CIITA: variants seen among roughly 807,000 people sequenced by gnomAD.
CIITA encodes the protein MHC class II transactivator.
Under a neutral mutation model 115.1 loss-of-function variants are expected in CIITA, and 72 were observed. That is an observed-to-expected ratio of 0.63 (90% confidence interval 0.52 to 0.76). The LOEUF is 0.76. Among genes scored for constraint, CIITA ranks in the 30% least tolerant of loss-of-function variants. CIITA has a pLI of 0.00. For missense variants in CIITA, 1,617 were observed against 1,463.8 expected (o/e 1.10, Z -1.71); for synonymous variants, 763 against 635.6 (o/e 1.20, Z -3.02).
rs1043226117 is a variant in CIITA at position 10,935,370 on chromosome 16, A to G, written c.*11515A>G. On this transcript the variant is annotated 3_prime_UTR_variant, in exon 20 of 20. Transcript: ENST00000324288. The stretch of plus-strand genomic sequence containing the variant: ...TATGTTTATCACCCGACAGTTGTTA[A>G]TCTCTTTTTAACAAAGAATACAGGC... 1.3e-5 allele frequency: 2 copies of G among 152,198 alleles called. No homozygotes were observed. Among genetic ancestry groups the G allele is most frequent in the African/African-American group, 4.8e-5 (2 of 41,450 alleles). 9.4% of individuals were successfully genotyped at this position (152,198 alleles called of 1,614,324 possible).
At chr16:10,939,312 A>T (rs570827121), downstream of CIITA, 1 of 152,380 alleles carries the variant, frequency 6.6e-6, no homozygotes, top group Admixed American at 6.5e-5. The surrounding 1 kb of genome is among the most constrained non-coding windows in gnomAD (Gnocchi z 4.9). Flanking sequence ...CCCTCAGCTC[A>T]TTCTGTCCAC....
chr16:10,873,415 A>G (rs924929017), upstream of CIITA, among the ~76,000 whole-genome samples: 6 of 152,224 alleles, frequency 3.9e-5, no homozygotes, highest in Non-Finnish European at 7.3e-5. Flanking sequence ...TGTATTGCCA[A>G]ATAATGTTGC....
At position 10,927,397 on chromosome 16, in the gene CIITA, G is replaced by T. The variant is rs1653068266; in HGVS notation, c.*3542G>T. On this transcript the variant is annotated 3_prime_UTR_variant, in exon 20 of 20. Coordinates refer to ENST00000324288, the MANE Select transcript of CIITA (RefSeq NM_000246.4). Reference sequence around the variant, plus strand: ...TGCTGTGCCCTCTGTACCCAGCAAGGCGCCTGTGTATAATAGGTGCTCAAT... The same window carrying T: ...TGCTGTGCCCTCTGTACCCAGCAAGTCGCCTGTGTATAATAGGTGCTCAAT... The T allele has an allele frequency of 6.6e-6, 1 of 152,222 alleles. No individual in the cohort carries two copies. The highest frequency in any genetic ancestry group is 6.5e-5 in the Admixed American group (1 of 15,282). The allele number at this position is 152,222 out of a possible 1,614,324, so 9.4% of individuals were successfully genotyped here.
At position 10,932,235 on chromosome 16, in the gene CIITA, C is replaced by G. The variant is rs1032210772; in HGVS notation, c.*8380C>G. ...GAGATCAACCCCTTCGCTCCTGTGT[C>G]TTGCAATGGCAGCCTTGGCAAACGC... On this transcript the variant is annotated 3_prime_UTR_variant, in exon 20 of 20. Transcript: ENST00000324288. The G allele has an allele frequency of 6.6e-6, 1 of 152,262 alleles. No individual in the cohort carries two copies. Among genetic ancestry groups the G allele is most frequent in the African/African-American group, 2.4e-5 (1 of 41,456 alleles). 9.4% of individuals were successfully genotyped at this position (152,262 alleles called of 1,614,324 possible). A position where few individuals can be genotyped will look rare whatever the true frequency, so the allele number is the denominator to read the frequency against.
chr16:10,936,236 C>T lies in CIITA; in HGVS notation c.*12381C>T, dbSNP rs563805144. ...GTTTCAAACTCAAGTGATCCTTCCA[C>T]CTCAGCCTCTATAAAATTTGAATAA... On this transcript the variant is annotated 3_prime_UTR_variant, in exon 20 of 20. Transcript: ENST00000324288. The T allele has an allele frequency of 2.0e-5, 3 of 152,078 alleles. No homozygotes were observed. The highest frequency in any genetic ancestry group is 2.9e-5 in the Non-Finnish European group (2 of 68,024). 9.4% of individuals were successfully genotyped at this position (152,078 alleles called of 1,614,324 possible). A position where few individuals can be genotyped will look rare whatever the true frequency, so the allele number is the denominator to read the frequency against.
intron 1 of CIITA, among the ~76,000 whole-genome samples, chr16:10,868,555 C>T (rs1020596939): frequency 1.3e-5 from 2 of 152,190 alleles, no homozygotes; most frequent in African/African-American, 4.8e-5. Flanking sequence ...GGCATCTTTA[C>T]CACCCAAACA....
chr16:10,929,337 G>T lies in CIITA; in HGVS notation c.*5482G>T, dbSNP rs557257667. On this transcript the variant is annotated 3_prime_UTR_variant, in exon 20 of 20. Transcript: ENST00000324288. The surrounding 1 kb of genome is among the most constrained non-coding windows in gnomAD (Gnocchi z 4.3). ...AGTGCAGGGAGGCAAACTCTGGCTG[G>T]GTTCCTGTAAACATCCATCGCAGCT... 736 of 985,952 alleles carry T rather than the reference G, an allele frequency of 7.5e-4. 1 individual carries two copies. The highest frequency in any genetic ancestry group is 8.6e-4 in the Non-Finnish European group (713 of 829,976). The allele number at this position is 985,952 out of a possible 1,614,324, so 61.1% of individuals were successfully genotyped here. A position where few individuals can be genotyped will look rare whatever the true frequency, so the allele number is the denominator to read the frequency against.
rs1160251546 is a variant in CIITA at position 10,932,115 on chromosome 16, G to A, written c.*8260G>A. On this transcript the variant is annotated 3_prime_UTR_variant, in exon 20 of 20. Transcript: ENST00000324288. Reference sequence around the variant, plus strand: ...TCTGCCTGAAGTCACACAGTGAGTCGAGGACAGGGAGGTGACCCCAGGTTT... The same window carrying A: ...TCTGCCTGAAGTCACACAGTGAGTCAAGGACAGGGAGGTGACCCCAGGTTT... 8 of 152,230 alleles carry A rather than the reference G, an allele frequency of 5.3e-5. No individual in the cohort carries two copies. Among genetic ancestry groups the A allele is most frequent in the East Asian group, 3.8e-4 (2 of 5,196 alleles). 9.4% of individuals were successfully genotyped at this position (152,230 alleles called of 1,614,324 possible). A position where few individuals can be genotyped will look rare whatever the true frequency, so the allele number is the denominator to read the frequency against.
At chr16:10,918,592 A>G in intron 16 of CIITA, 66 bp downstream of exon 16, 1 of 1,418,300 alleles carries the variant, frequency 7.1e-7, no homozygotes, top group East Asian at 2.3e-5. Context: ...GGGAACCCAC[A>G]TCGTGCTGGC....
rs1394503229 is a variant in CIITA at position 10,915,706 on chromosome 16, C to G, written c.2969+56C>G. The stretch of plus-strand genomic sequence containing the variant: ...CAACATCTGGGTGCAGTGCTGTGAT[C>G]ATAGCTCACTGCAGCCTCGAATTCC... On this transcript the variant is annotated intron_variant, in intron 14 of 19. Coordinates refer to ENST00000324288, the MANE Select transcript of CIITA (RefSeq NM_000246.4). 2.1e-6 allele frequency: 3 copies of G among 1,448,756 alleles called. No homozygotes were observed. In the African/African-American group the frequency reaches 4.2e-5, roughly 20 times the overall value. 89.7% of individuals were successfully genotyped at this position (1,448,756 alleles called of 1,614,324 possible).
rs2040334654 is a variant in CIITA, at chr16:10,922,589, A to G, written c.3317+99A>G. 8 of 1,202,806 alleles carry G rather than the reference A, an allele frequency of 6.7e-6. No homozygotes were observed. The South Asian group carries it at 8.8e-5, about 13-fold the overall frequency. The allele number at this position is 1,202,806 out of a possible 1,614,324, so 74.5% of individuals were successfully genotyped here. A position where few individuals can be genotyped will look rare whatever the true frequency, so the allele number is the denominator to read the frequency against. On this transcript the variant is annotated intron_variant, in intron 18 of 19. Coordinates refer to ENST00000324288, the MANE Select transcript of CIITA (RefSeq NM_000246.4). ...TCAAATCATGCTCTTCCCTTCACCAATCTGCAACCCTGGGTGAGCAGACAC... is the reference window on the plus strand; with the variant it reads ...TCAAATCATGCTCTTCCCTTCACCAGTCTGCAACCCTGGGTGAGCAGACAC...
chr16:10,884,308 C>T (rs192033182), intron 1 of CIITA, among the ~76,000 whole-genome samples: 3 of 152,308 alleles, frequency 2.0e-5, no homozygotes, highest in East Asian at 1.9e-4. Context: ...ATCCATTCAA[C>T]GGTGCTGGAA....
intron 16 of CIITA, among the ~76,000 whole-genome samples, chr16:10,921,042 A>G (rs1330282532): frequency 2.6e-5 from 4 of 152,060 alleles, no homozygotes; most frequent in Middle Eastern, 3.2e-3. Context: ...CTAATTTTGT[A>G]TTTTTAGTAG....
rs1425727400 is a variant in CIITA, at chr16:10,909,090, C to A, written c.2719C>A (p.Leu907Ile). The change falls in exon 12 of 20, where the codon CTA becomes ATA. Residue 907 changes from leucine (L) to isoleucine (I), a missense_variant. Leu to Ile is a conservative substitution (Grantham distance 5). Transcript: ENST00000324288. ...CCTGCAGCAGCATGGGGAGACCAAG[C>A]TACTTCAGGCAGCAGAGGAGAAGTT... is the stretch of plus-strand genomic sequence containing the variant. Reference protein sequence around the residue: ...ESLQQHGETKLLQAAEEKFTI... With the variant: ...ESLQQHGETKILQAAEEKFTI... 10 of 1,614,152 alleles carry A rather than the reference C, an allele frequency of 6.2e-6. No individual in the cohort carries two copies. Among genetic ancestry groups the A allele is most frequent in the Non-Finnish European group, 8.5e-6 (10 of 1,179,992 alleles).
At chr16:10,909,624 C>T (rs1254239725) in intron 12 of CIITA, among the ~76,000 whole-genome samples, 1 of 152,228 alleles carries the variant, frequency 6.6e-6, no homozygotes, top group Non-Finnish European at 1.5e-5. Context: ...TTCATTCCTT[C>T]ATCACACATT....
At chr16:10,904,684 G>A (rs890437555) in intron 9 of CIITA, 60 bp from the exon 10 acceptor site, 9 of 1,592,162 alleles carry the variant, frequency 5.7e-6, no homozygotes, top group Admixed American at 5.0e-5. Flanking sequence ...GGCCCAGAGG[G>A]AGGGGGGTCC....
chr16:10,901,237 GT>G lies in CIITA; in HGVS notation c.437-273del, dbSNP rs2038717343. 6.6e-6 allele frequency among the ~76,000 whole-genome samples: 1 copy of G among 152,142 alleles called. No homozygotes were observed. Among genetic ancestry groups the G allele is most frequent in the African/African-American group, 2.4e-5 (1 of 41,430 alleles). ...AAGCGGTTCAAAAGCAGGTTCCTTT[GT>G]TTTGTTTTGTTTTGTTTTTTGGCTC... On this transcript the variant is annotated intron_variant, in intron 5 of 19. Coordinates refer to ENST00000324288, the MANE Select transcript of CIITA (RefSeq NM_000246.4). The surrounding 1 kb of genome is among the most constrained non-coding windows in gnomAD (Gnocchi z 6.8).
At chr16:10,866,979 C>T (rs1359387121) in intron 1 of CIITA, among the ~76,000 whole-genome samples, 2 of 152,218 alleles carry the variant, frequency 1.3e-5, no homozygotes, top group Non-Finnish European at 2.9e-5. Flanking sequence ...GGTGCACTGG[C>T]TCACGCCTGT....
In CIITA at chr16:10,941,948, C is replaced by T. The variant is rs1220704533; in HGVS notation, n.1074C>T. The T allele has an allele frequency of 1.9e-6, 3 of 1,575,338 alleles. No individual in the cohort carries two copies. Among genetic ancestry groups the T allele is most frequent in the South Asian group, 2.3e-5 (2 of 87,048 alleles). On this transcript the variant is annotated non_coding_transcript_exon_variant, in exon 2 of 2. Coordinates refer to the CIITA transcript ENST00000573379. This position sits in a 1 kb window ranked among gnomAD's most constrained non-coding sequence, Gnocchi z 6.4. ...ATAGAGGGCAGCAGCGGCGGCGGCA[C>T]GTAGGGGACCAGGGGGCCCAGTGCG...
Sources: allele counts gnomAD v4.1 joint callset (sites outside exome capture counted in the v4.1 genomes callset), GRCh38; gene constraint gnomAD v4.1.1; non-coding constraint Gnocchi (gnomAD v3.1); transcripts MANE v1.5; gene names NCBI Gene and HGNC (gene_info 2026-07-23, HGNC 2026-07-21).